ADGRL3: variants seen among roughly 807,000 people sequenced by gnomAD.
The protein encoded by ADGRL3 is adhesion G protein-coupled receptor L3.
Under a neutral mutation model 153.5 loss-of-function variants are expected in ADGRL3, and 62 were observed. That is an observed-to-expected ratio of 0.40 (90% confidence interval 0.33 to 0.50). The LOEUF is 0.50. Among genes scored for constraint, ADGRL3 ranks in the 20% least tolerant of loss-of-function variants. ADGRL3 has a pLI of 0.47. For missense variants in ADGRL3, 1,641 were observed against 1,859.4 expected (o/e 0.88, Z 2.16); for synonymous variants, 710 against 672.5 (o/e 1.06, Z -0.86).
chr4:61,265,015 G>C (rs1031495400), intron 1 of ADGRL3, among the ~76,000 whole-genome samples: 1 of 151,858 alleles, frequency 6.6e-6, no homozygotes, highest in Non-Finnish European at 1.5e-5. Context: ...AGAGGCAAGA[G>C]AGCATTCGTA....
At chr4:61,822,138 T>C (rs2097761707) in intron 9 of ADGRL3, among the ~76,000 whole-genome samples, 1 of 152,154 alleles carries the variant, frequency 6.6e-6, no homozygotes, top group Non-Finnish European at 1.5e-5. Flanking sequence ...CTTCTCCCAA[T>C]AGAATACAAA....
intron 4 of ADGRL3, among the ~76,000 whole-genome samples, chr4:61,533,313 T>A (rs2098635097): frequency 6.6e-6 from 1 of 152,142 alleles, no homozygotes; most frequent in African/African-American, 2.4e-5. Context: ...GTAGACTGGT[T>A]TTAGCTCTGA....
chr4:61,490,840 C>T (rs1026657287), intron 2 of ADGRL3, among the ~76,000 whole-genome samples: 2 of 152,040 alleles, frequency 1.3e-5, no homozygotes, highest in African/African-American at 2.4e-5. Context: ...ATAGTGTATT[C>T]ACATGCACTC....
intron 5 of ADGRL3, among the ~76,000 whole-genome samples, chr4:61,614,999 T>C (rs2091835386): frequency 6.6e-6 from 1 of 152,106 alleles, no homozygotes; most frequent in Non-Finnish European, 1.5e-5. Flanking sequence ...AAAGAATGTA[T>C]TGTTCTTCTT....
At chr4:61,850,842 G>C (rs1321195961) in intron 9 of ADGRL3, among the ~76,000 whole-genome samples, 2 of 151,944 alleles carry the variant, frequency 1.3e-5, no homozygotes, top group Non-Finnish European at 2.9e-5. Context: ...ATCAACAAAA[G>C]GGAAGAGAGA....
rs1197429972 is a variant in ADGRL3 at position 62,075,667 on chromosome 4, T to G, written c.*4759T>G. 3 of 152,202 alleles carry G rather than the reference T, an allele frequency of 2.0e-5. No homozygotes were observed. Among genetic ancestry groups the G allele is most frequent in the Admixed American group, 6.5e-5 (1 of 15,272 alleles). 9.4% of individuals were successfully genotyped at this position (152,202 alleles called of 1,614,324 possible). ...GTTTTCAATATAGCTTATATTAGAT[T>G]TCTGCACATCATTAAATTACGAAGA... On this transcript the variant is annotated 3_prime_UTR_variant, in exon 27 of 27. Transcript: ENST00000683033.
intron 1 of ADGRL3, among the ~76,000 whole-genome samples, chr4:61,315,616 A>G (rs1218810308): frequency 6.6e-6 from 1 of 152,206 alleles, no homozygotes; most frequent in African/African-American, 2.4e-5. Context: ...GCCTGGAGAT[A>G]TAAATGTAAT....
chr4:61,324,175 G>T (rs187714526), intron 1 of ADGRL3, among the ~76,000 whole-genome samples: 1 of 152,118 alleles, frequency 6.6e-6, no homozygotes, highest in African/African-American at 2.4e-5. Flanking sequence ...CACAACACTT[G>T]GGAATAATGG....
intron 21 of ADGRL3, among the ~76,000 whole-genome samples, chr4:62,016,898 A>G (rs894234270): frequency 3.3e-5 from 5 of 151,950 alleles, no homozygotes; most frequent in African/African-American, 7.2e-5. Context: ...ATTAATGTCC[A>G]TTCATTCTTT....
intron 12 of ADGRL3, among the ~76,000 whole-genome samples, chr4:61,911,660 A>C (rs922159063): frequency 6.6e-6 from 1 of 152,154 alleles, no homozygotes; most frequent in Non-Finnish European, 1.5e-5. Context: ...TCCAAGTGAC[A>C]GCCCTGGCAA....
At chr4:61,432,648 T>TTCTTTCTTTCTTTCTTTCTTTC (rs1560623730) in intron 2 of ADGRL3, among the ~76,000 whole-genome samples, 2 of 41,568 alleles carry the variant, frequency 4.8e-5, no homozygotes, top group African/African-American at 1.7e-4. Context: ...CTTTCTTTCT[T>TTCTTTCTTTCTTTCTTTCTTTC]TCTTTCTTTT....
intron 8 of ADGRL3, among the ~76,000 whole-genome samples, chr4:61,811,347 T>A (rs1478518983): frequency 2.0e-5 from 3 of 152,026 alleles, no homozygotes; most frequent in African/African-American, 7.2e-5. Flanking sequence ...AGTTTTTTTT[T>A]AATTATGTTG....
intron 2 of ADGRL3, among the ~76,000 whole-genome samples, chr4:61,453,282 G>C (rs2606711): frequency 0.67 from 101,309 of 152,062 alleles, 35,796 homozygotes; most frequent in East Asian, 0.93. Flanking sequence ...AGTGATCTGG[G>C]AGAGGAAGAC....
At chr4:61,766,905 A>G (rs890670824) in intron 8 of ADGRL3, among the ~76,000 whole-genome samples, 2 of 152,088 alleles carry the variant, frequency 1.3e-5, no homozygotes, top group African/African-American at 2.4e-5. Context: ...TCCTGAACAA[A>G]CTTGTAAGGC....
chr4:61,767,473 C>T (rs1033122551), intron 8 of ADGRL3, among the ~76,000 whole-genome samples: 5 of 151,988 alleles, frequency 3.3e-5, no homozygotes, highest in Non-Finnish European at 7.4e-5. Flanking sequence ...AAGAAGGGGA[C>T]GGGCTTACCT....
chr4:62,013,608 G>T (rs188839729), intron 21 of ADGRL3, among the ~76,000 whole-genome samples: 1 of 151,788 alleles, frequency 6.6e-6, no homozygotes, highest in Non-Finnish European at 1.5e-5. Context: ...TTCAAAAAAC[G>T]GCCGGGCATG....
At chr4:62,030,553 T>G (rs1581965728) in intron 22 of ADGRL3, among the ~76,000 whole-genome samples, 1 of 151,710 alleles carries the variant, frequency 6.6e-6, no homozygotes, top group Non-Finnish European at 1.5e-5. Flanking sequence ...ATGAATTTTG[T>G]TACCTGCTTA....
At chr4:61,580,028 A>C (rs969325092) in intron 4 of ADGRL3, among the ~76,000 whole-genome samples, 6 of 152,120 alleles carry the variant, frequency 3.9e-5, no homozygotes, top group Non-Finnish European at 5.9e-5. Flanking sequence ...GAGAAAATAC[A>C]TGTATTTAAG....
At chr4:61,372,091 A>C (rs988622317) in intron 1 of ADGRL3, among the ~76,000 whole-genome samples, 18 of 151,936 alleles carry the variant, frequency 1.2e-4, no homozygotes, top group Non-Finnish European at 1.5e-5. Flanking sequence ...CAGCTCCTTT[A>C]AGCACTTCTC....
Sources: allele counts gnomAD v4.1 joint callset (sites outside exome capture counted in the v4.1 genomes callset), GRCh38; gene constraint gnomAD v4.1.1; transcripts MANE v1.5; gene names NCBI Gene and HGNC (gene_info 2026-07-23, HGNC 2026-07-21).